DEAF1: variants seen among roughly 807,000 people sequenced by gnomAD.
The protein encoded by DEAF1 is DEAF1 transcription factor.
DEAF1 carries 53 observed loss-of-function variants against 58.9 expected under a neutral mutation model. That is an observed-to-expected ratio of 0.90 (90% CI 0.72 to 1.13). DEAF1 has a LOEUF of 1.13. Ranked by LOEUF, DEAF1 falls within the 50% of genes most tolerant of loss-of-function variation. The pLI is 0.00. For missense variants in DEAF1, 685 were observed against 791.4 expected (o/e 0.87, Z 1.61); for synonymous variants, 385 against 340.4 (o/e 1.13, Z -1.44).
intron 10 of DEAF1, among the ~76,000 whole-genome samples, chr11:669,262 G>A (rs1189057045): frequency 1.3e-5 from 2 of 151,442 alleles, no homozygotes; most frequent in South Asian, 2.1e-4. Context: ...GAAATAAATC[G>A]TAATCAATTT....
chr11:647,845 C>T (rs1858571663), intron 11 of DEAF1, among the ~76,000 whole-genome samples: 2 of 150,266 alleles, frequency 1.3e-5, no homozygotes, highest in Admixed American at 6.6e-5. Flanking sequence ...CCAGGCGGTG[C>T]TGGGAGCAGG....
intron 10 of DEAF1, 136 bp downstream of exon 10, chr11:674,400 C>T (rs781173913): frequency 2.4e-6 from 3 of 1,224,636 alleles, no homozygotes; most frequent in Non-Finnish European, 3.6e-6. Context: ...AAATGACTCT[C>T]CACAGCTCCC....
chr11:705,679 C>G (rs1214116533), intron 1 of DEAF1, among the ~76,000 whole-genome samples: 1 of 152,182 alleles, frequency 6.6e-6, no homozygotes, highest in Non-Finnish European at 1.5e-5. Context: ...TGCCCCTGGG[C>G]CTGCGGTGGG....
At chr11:654,416 C>G (rs778843953) in intron 10 of DEAF1, among the ~76,000 whole-genome samples, 1 of 151,034 alleles carries the variant, frequency 6.6e-6, no homozygotes, top group African/African-American at 2.5e-5. Context: ...CCACCTGCCT[C>G]GGCCTCCCAA....
At chr11:691,365 C>T (rs1860826100) in intron 2 of DEAF1, 136 bp downstream of exon 2, 4 of 790,232 alleles carry the variant, frequency 5.1e-6, no homozygotes, top group Non-Finnish European at 8.4e-6. Context: ...GAGAGCAGAG[C>T]GAGCCAGTGC....
At chr11:648,872 A>G (rs1472804422) in intron 11 of DEAF1, among the ~76,000 whole-genome samples, 3 of 152,252 alleles carry the variant, frequency 2.0e-5, no homozygotes, top group Non-Finnish European at 4.4e-5. Flanking sequence ...AACAGAAAAG[A>G]AGGCAGTGAA....
At chr11:681,991 GT>G (rs928573109) in intron 6 of DEAF1, among the ~76,000 whole-genome samples, 2 of 152,244 alleles carry the variant, frequency 1.3e-5, no homozygotes, top group African/African-American at 4.8e-5. Flanking sequence ...TGTAGCAACA[GT>G]GGAAAGCAGT....
intron 1 of DEAF1, chr11:706,236 G>A (rs1358529306): frequency 6.6e-6 from 1 of 152,004 alleles, no homozygotes; most frequent in Non-Finnish European, 1.5e-5. Context: ...CGAACAGACG[G>A]ACGCACCGGC....
rs947567623 is a variant in DEAF1 at position 688,631 on chromosome 11, C to CA, written c.388-172dup. The stretch of plus-strand genomic sequence containing the variant: ...AAGATACCTCTCAAAGACTTGAAAA[C>CA]AGAGCCAAGAACAAGAACAGACAAT... On this transcript the variant is annotated intron_variant, in intron 2 of 11. Coordinates refer to ENST00000382409, the MANE Select transcript of DEAF1 (RefSeq NM_021008.4). The surrounding 1 kb of genome is among the most constrained non-coding windows in gnomAD (Gnocchi z 4.3). 6.6e-6 allele frequency among the ~76,000 whole-genome samples: 1 copy of CA among 152,154 alleles called. No individual in the cohort carries two copies. The highest frequency in any genetic ancestry group is 1.5e-5 in the Non-Finnish European group (1 of 68,014).
At position 644,520 on chromosome 11, in the gene DEAF1, G is replaced by T; in HGVS notation, c.*30C>A. The T allele has an allele frequency of 6.3e-7, 1 of 1,591,924 alleles. No individual in the cohort carries two copies. Among genetic ancestry groups the T allele is most frequent in the Non-Finnish European group, 8.6e-7 (1 of 1,165,114 alleles). ...CAAAAGCCTCACAGGAGTGCGAGGG[G>T]CCCCAGCTCCCAGGGCGGCCGATGG... On this transcript the variant is annotated 3_prime_UTR_variant, in exon 12 of 12. Coordinates refer to ENST00000382409, the MANE Select transcript of DEAF1 (RefSeq NM_021008.4). The surrounding 1 kb of genome is among the most constrained non-coding windows in gnomAD (Gnocchi z 4.3).
At chr11:697,137 C>G (rs1038260384), upstream of DEAF1, among the ~76,000 whole-genome samples, 1 of 130,236 alleles carries the variant, frequency 7.7e-6, no homozygotes, top group Non-Finnish European at 1.7e-5. Context: ...GCCTGTGGTC[C>G]CAGCTACGTG....
At chr11:654,157 T>C in intron 10 of DEAF1, 106 bp from the exon 11 acceptor site, 1 of 710,538 alleles carries the variant, frequency 1.4e-6, no homozygotes, top group South Asian at 1.6e-5. Context: ...TTCCCCCCAT[T>C]GGACCCCCTT....
rs1230229665 is a variant in DEAF1, at chr11:700,368, AAC to A, written c.-438+6202_-438+6203del. 12 of 870,998 alleles carry A rather than the reference AAC, an allele frequency of 1.4e-5. No homozygotes were observed. The East Asian group carries it at 2.5e-4, about 18-fold the overall frequency. 54.0% of individuals were successfully genotyped at this position (870,998 alleles called of 1,614,324 possible). On this transcript the variant is annotated intron_variant, in intron 1 of 11. Transcript: ENST00000683307. Reference sequence around the variant, plus strand: ...ATGGGGAAACCCCATCTCTACTAAAAACACAAAAAGTAGCCGGGCGTGGTGGT... The same window carrying A: ...ATGGGGAAACCCCATCTCTACTAAAAACAAAAAGTAGCCGGGCGTGGTGGT...
chr11:673,509 CAG>C lies in DEAF1; in HGVS notation c.1503+1025_1503+1026del, dbSNP rs1859922944. ...TGCCACTGCATTCTAGCCTGGGCGA[CAG>C]AGTGACAGCCTGTTCCACAAATAAA... is the stretch of plus-strand genomic sequence containing the variant. On this transcript the variant is annotated intron_variant, in intron 10 of 11. Transcript: ENST00000382409. Among the ~76,000 whole-genome samples the C allele has an allele frequency of 2.6e-5, 4 of 152,102 alleles. No individual in the cohort carries two copies. In the South Asian group the frequency reaches 8.3e-4, roughly 31 times the overall value.
intron 7 of DEAF1, among the ~76,000 whole-genome samples, chr11:680,499 A>ACGTGCCTGTGGTCTCAC (rs1456326647): frequency 4.7e-4 from 72 of 152,338 alleles, no homozygotes; most frequent in Non-Finnish European, 6.2e-4. Context: ...GGTCCCAGCT[A>ACGTGCCTGTGGTCTCAC]CTTGGGAGGC....
intron 11 of DEAF1, among the ~76,000 whole-genome samples, chr11:647,725 T>G (rs1858566524): frequency 6.6e-6 from 1 of 152,306 alleles, no homozygotes; most frequent in African/African-American, 2.4e-5. Context: ...ATCCAACTCA[T>G]GTGCACGTCT....
intron 6 of DEAF1, among the ~76,000 whole-genome samples, chr11:681,707 G>C (rs553374720): frequency 6.6e-6 from 1 of 151,922 alleles, no homozygotes; most frequent in Non-Finnish European, 1.5e-5. Context: ...ACCACGCCCG[G>C]CCGACTTTTT....
At chr11:703,222 C>A in intron 1 of DEAF1, 1 of 1,499,206 alleles carries the variant, frequency 6.7e-7, no homozygotes, top group Admixed American at 2.2e-5. Context: ...CTGTCACCTC[C>A]CCATTCCTGG....
At chr11:687,706 C>T (rs1347161061) in intron 4 of DEAF1, among the ~76,000 whole-genome samples, 1 of 152,080 alleles carries the variant, frequency 6.6e-6, no homozygotes, top group Non-Finnish European at 1.5e-5. Context: ...ATCGTGTTAG[C>T]CAGGATAGTC....
Sources: allele counts gnomAD v4.1 joint callset (sites outside exome capture counted in the v4.1 genomes callset), GRCh38; gene constraint gnomAD v4.1.1; non-coding constraint Gnocchi (gnomAD v3.1); transcripts MANE v1.5; gene names NCBI Gene and HGNC (gene_info 2026-07-23, HGNC 2026-07-21).